ESRRG: variants seen among roughly 807,000 people sequenced by gnomAD.
ESRRG encodes the protein estrogen related receptor gamma, also known as estrogen-related receptor gamma.
Under a neutral mutation model 44.0 loss-of-function variants are expected in ESRRG, and 13 were observed. That is an observed-to-expected ratio of 0.30 (90% CI 0.19 to 0.47). The LOEUF is 0.47. Ranked by LOEUF, ESRRG falls within the 20% of genes least tolerant of loss-of-function variation. The pLI, the probability that ESRRG is intolerant of heterozygous loss-of-function variation, is 1.00. For missense variants in ESRRG, 395 were observed against 580.6 expected, an observed-to-expected ratio of 0.68 and a Z score of 3.29; for synonymous variants, 215 against 214.6, an observed-to-expected ratio of 1.00 and a Z score of -0.02.
chr1:216,740,675 C>T (rs1027953214), intron 2 of ESRRG, among the ~76,000 whole-genome samples: 1 of 151,506 alleles, frequency 6.6e-6, no homozygotes, highest in African/African-American at 2.4e-5. Flanking sequence ...GAAATTGTAA[C>T]CCTGCCTTAG....
At chr1:216,537,917 C>T (rs748151877) in intron 5 of ESRRG, among the ~76,000 whole-genome samples, 5 of 152,082 alleles carry the variant, frequency 3.3e-5, no homozygotes, top group Non-Finnish European at 7.4e-5. Context: ...TTCCAACTAT[C>T]ATTTTCCCTT....
intron 1 of ESRRG, among the ~76,000 whole-genome samples, chr1:216,941,801 A>G (rs1578433971): frequency 6.6e-6 from 1 of 152,224 alleles, no homozygotes; most frequent in East Asian, 1.9e-4. Context: ...TTCAGTAACA[A>G]TATGATTGAG....
intron 2 of ESRRG, among the ~76,000 whole-genome samples, chr1:216,653,297 G>A (rs529456683): frequency 2.6e-4 from 39 of 152,192 alleles, no homozygotes; most frequent in Admixed American, 5.9e-4. Flanking sequence ...TTTTGCCTCC[G>A]TCCTGACCCA....
chr1:216,684,568 A>G (rs1311374997), intron 1 of ESRRG, among the ~76,000 whole-genome samples: 1 of 152,204 alleles, frequency 6.6e-6, no homozygotes, highest in African/African-American at 2.4e-5. Context: ...TTTCTTTAAT[A>G]TAATGGGCAC....
chr1:216,901,563 G>A (rs768036438), intron 2 of ESRRG, among the ~76,000 whole-genome samples: 7 of 151,948 alleles, frequency 4.6e-5, no homozygotes, highest in Non-Finnish European at 8.8e-5. Context: ...TAGGAACAAG[G>A]TCTCCCTATA....
chr1:216,584,316 G>T (rs1284115766), intron 3 of ESRRG, among the ~76,000 whole-genome samples: 3 of 151,312 alleles, frequency 2.0e-5, no homozygotes, highest in African/African-American at 7.3e-5. Context: ...GAGTGCAGTG[G>T]CGTGATCTCG....
At chr1:216,879,042 A>C (rs553889065) in intron 2 of ESRRG, among the ~76,000 whole-genome samples, 1 of 152,240 alleles carries the variant, frequency 6.6e-6, no homozygotes, top group Non-Finnish European at 1.5e-5. Context: ...CAAAGACTAC[A>C]TGTGAGATGA....
chr1:217,101,200 A>G (rs909926447), intron 1 of ESRRG, among the ~76,000 whole-genome samples: 9 of 152,228 alleles, frequency 5.9e-5, no homozygotes, highest in African/African-American at 1.9e-4. Flanking sequence ...CACATGCTCC[A>G]GAATAAAACT....
chr1:217,093,931 G>A (rs1257873692), upstream of ESRRG, among the ~76,000 whole-genome samples: 1 of 152,040 alleles, frequency 6.6e-6, no homozygotes, highest in African/African-American at 2.4e-5. Flanking sequence ...ATTCCAGGCT[G>A]GAGTGCAGTG....
chr1:216,538,281 G>T (rs1193749672), intron 5 of ESRRG, among the ~76,000 whole-genome samples: 1 of 151,704 alleles, frequency 6.6e-6, no homozygotes, highest in East Asian at 1.9e-4. Context: ...TGTGTGCCCA[G>T]AACTTGGAAG....
intron 2 of ESRRG, among the ~76,000 whole-genome samples, chr1:216,670,050 A>G (rs746260530): frequency 6.6e-6 from 1 of 152,210 alleles, no homozygotes; most frequent in Non-Finnish European, 1.5e-5. Context: ...ATTTTATAAC[A>G]TATTAGAGTT....
intron 6 of ESRRG, among the ~76,000 whole-genome samples, chr1:216,517,252 C>T (rs921745219): frequency 6.6e-6 from 1 of 152,154 alleles, no homozygotes; most frequent in Non-Finnish European, 1.5e-5. Flanking sequence ...ACTTTCTAAT[C>T]ATCAGTCACT....
At chr1:216,652,887 G>C (rs576262963) in intron 2 of ESRRG, among the ~76,000 whole-genome samples, 1 of 151,644 alleles carries the variant, frequency 6.6e-6, no homozygotes, top group African/African-American at 2.4e-5. Flanking sequence ...CACCCTGTTC[G>C]GCTCCCCCTA....
At chr1:216,968,701 C>CTTTTT (rs3072232) in intron 1 of ESRRG, among the ~76,000 whole-genome samples, 3 of 141,878 alleles carry the variant, frequency 2.1e-5, no homozygotes, top group African/African-American at 7.8e-5. Flanking sequence ...TAGTATGGGT[C>CTTTTT]TTTTTTTTTT....
chr1:216,815,884 CAT>C (rs1294364172), intron 2 of ESRRG, among the ~76,000 whole-genome samples: 1 of 152,160 alleles, frequency 6.6e-6, no homozygotes, highest in South Asian at 2.1e-4. Context: ...GTCTATTGGC[CAT>C]ATGTTATTTG....
intron 2 of ESRRG, among the ~76,000 whole-genome samples, chr1:216,880,035 T>C (rs2096418015): frequency 6.6e-6 from 1 of 151,996 alleles, no homozygotes; most frequent in Non-Finnish European, 1.5e-5. Context: ...AGGCTGGGCA[T>C]GGTGGCTCAC....
intron 6 of ESRRG, among the ~76,000 whole-genome samples, chr1:216,512,520 TA>T (rs1051029035): frequency 6.6e-6 from 1 of 152,110 alleles, no homozygotes; most frequent in East Asian, 1.9e-4. Context: ...CACATTTATT[TA>T]AAAAAACTAT....
chr1:216,675,037 G>A (rs2075848563), intron 2 of ESRRG, among the ~76,000 whole-genome samples: 1 of 152,134 alleles, frequency 6.6e-6, no homozygotes, highest in Non-Finnish European at 1.5e-5. Flanking sequence ...TGCAACTGAT[G>A]AAGAAGAGTT....
intron 2 of ESRRG, among the ~76,000 whole-genome samples, chr1:216,914,315 A>G (rs926436678): frequency 1.3e-5 from 2 of 152,200 alleles, no homozygotes; most frequent in African/African-American, 4.8e-5. Flanking sequence ...TCATATGTGT[A>G]CTTGACTCTA....
Sources: gnomAD v4.1 joint callset for allele counts (sites outside exome capture counted in the v4.1 genomes callset) on GRCh38, gnomAD v4.1.1 for gene constraint, MANE v1.5 for transcripts, NCBI Gene and HGNC (gene_info 2026-07-23, HGNC 2026-07-21) for gene names.